Variants in SLC2A4 observed in about 807,000 individuals in gnomAD.
SLC2A4 encodes solute carrier family 2 member 4, also known as solute carrier family 2, facilitated glucose transporter member 4.
SLC2A4 carries 31 observed loss-of-function variants against 53.3 expected under a neutral mutation model. That is an observed-to-expected ratio of 0.58 (90% CI 0.44 to 0.78). The LOEUF is 0.78. SLC2A4 is among the 30% of genes least tolerant of loss of function. The probability of loss-of-function intolerance (pLI) is 0.00; values close to 1 mark genes in which losing one functional copy is unlikely to be tolerated. For synonymous variants in SLC2A4, 276 were observed against 281.9 expected, an observed-to-expected ratio of 0.98 and a Z score of 0.21; for missense variants, 538 against 655.7, an observed-to-expected ratio of 0.82 and a Z score of 1.96.
rs1268602943 is a variant in SLC2A4 at position 7,282,745 on chromosome 17, G to A, written c.34-500G>A. On this transcript the variant is annotated intron_variant, in intron 1 of 10. Coordinates refer to ENST00000317370, the MANE Select transcript of SLC2A4 (RefSeq NM_001042.3). This position sits in a 1 kb window ranked among gnomAD's most constrained non-coding sequence, Gnocchi z 4.1. ...GAGCTGGCTGACAGAACCCCCAGAG[G>A]GGAGGGAAGAGGACAGTGGCTGATG... is the stretch of plus-strand genomic sequence containing the variant. Among the ~76,000 whole-genome samples, 2 of 152,262 alleles carry A rather than the reference G, an allele frequency of 1.3e-5. No homozygotes were observed. Among genetic ancestry groups the A allele is most frequent in the African/African-American group, 4.8e-5 (2 of 41,474 alleles).
At position 7,285,873 on chromosome 17, in the gene SLC2A4, A is replaced by G; in HGVS notation, c.1291A>G (p.Asn431Asp). 6.2e-7 allele frequency: 1 copy of G among 1,614,144 alleles called. No homozygotes were observed. Among genetic ancestry groups the G allele is most frequent in the Non-Finnish European group, 8.5e-7 (1 of 1,179,984 alleles). Residue 431 changes from asparagine to aspartate, a missense_variant, in exon 10 of 11, where the codon AAC (asparagine) becomes GAC (aspartate). Coordinates refer to ENST00000317370, the MANE Select transcript of SLC2A4 (RefSeq NM_001042.3). The surrounding 1 kb of genome is among the most constrained non-coding windows in gnomAD (Gnocchi z 6.0). ...AVAGFSNWTS[N>D]FIIGMGFQYV... ...GGCTGGTTTCTCCAACTGGACGAGC[A>G]ACTTCATCATTGGCATGGGTTTCCA... is the stretch of plus-strand genomic sequence containing the variant.
rs566851503 is a variant in SLC2A4, at chr17:7,286,821, G to A, written c.*192G>A. On this transcript the variant is annotated 3_prime_UTR_variant, in exon 11 of 11. Coordinates refer to ENST00000317370, the MANE Select transcript of SLC2A4 (RefSeq NM_001042.3). ...CTCATTCCCCTCGTGTGACTCTCTT[G>A]GATTATTTATGTGTTGTGGTTTGGC... 7.8e-5 allele frequency: 48 copies of A among 612,594 alleles called. No homozygotes were observed. In the South Asian group the frequency reaches 8.5e-4, roughly 11 times the overall value. 37.9% of individuals were successfully genotyped at this position (612,594 alleles called of 1,614,324 possible). A position where few individuals can be genotyped will look rare whatever the true frequency, so the allele number is the denominator to read the frequency against.
In SLC2A4 at chr17:7,283,534, C is replaced by G. The variant is rs887663108; in HGVS notation, c.212C>G (p.Ser71Cys). The change falls in exon 3 of 11, where the codon TCC (serine) becomes TGC (cysteine). Residue 71 changes from serine to cysteine, a missense_variant. Transcript: ENST00000317370. The surrounding 1 kb of genome is among the most constrained non-coding windows in gnomAD (Gnocchi z 5.8). ...LGRQGPEGPS[S>C]IPPGTLTTLW... Reference sequence around the variant, plus strand: ...AGGCAGGGGCCTGAGGGACCCAGCTCCATCCCTCCAGGCACCCTCACCACC... The same window carrying G: ...AGGCAGGGGCCTGAGGGACCCAGCTGCATCCCTCCAGGCACCCTCACCACC... 6.2e-7 allele frequency: 1 copy of G among 1,613,982 alleles called. No homozygotes were observed. The highest frequency in any genetic ancestry group is 1.1e-5 in the South Asian group (1 of 91,070).
In SLC2A4 at chr17:7,283,343, C is replaced by A; in HGVS notation, c.132C>A (p.Val44=). The change falls in exon 2 of 11, where the codon GTC becomes GTA. Residue 44 remains valine (V), a synonymous_variant. Coordinates refer to ENST00000317370, the MANE Select transcript of SLC2A4 (RefSeq NM_001042.3). The surrounding 1 kb of genome is among the most constrained non-coding windows in gnomAD (Gnocchi z 5.8). The part of the protein sequence containing the change: ...GSLQFGYNIG[V]INAPQKVIEQ... ...TGCAGTTTGGGTACAACATTGGGGT[C>A]ATCAATGCCCCTCAGAAGGTGAGGG... 1 of 1,613,424 alleles carries A rather than the reference C, an allele frequency of 6.2e-7. No individual in the cohort carries two copies. Among genetic ancestry groups the A allele is most frequent in the South Asian group, 1.1e-5 (1 of 91,050 alleles).
Position 7,287,000 on chromosome 17 carries a change from A to C in SLC2A4, c.*371A>C. 3.1e-6 allele frequency: 1 copy of C among 327,032 alleles called. No homozygotes were observed. Among genetic ancestry groups the C allele is most frequent in the Non-Finnish European group, 6.0e-6 (1 of 167,574 alleles). The allele number at this position is 327,032 out of a possible 1,614,324, so 20.3% of individuals were successfully genotyped here. ...AGGTCTAGACTTTCTCAGTGGGACA[A>C]ACCAGAGCAGAGAGCAGGACAGGAG... On this transcript the variant is annotated 3_prime_UTR_variant, in exon 11 of 11. Transcript: ENST00000317370.
In SLC2A4 at chr17:7,284,077, T is replaced by C. The variant is rs2072427278; in HGVS notation, c.552T>C (p.Ile184=). The C allele has an allele frequency of 6.2e-7, 1 of 1,613,724 alleles. No homozygotes were observed. Among genetic ancestry groups the C allele is most frequent in the African/African-American group, 1.3e-5 (1 of 74,930 alleles). ...ACCAACTGGCCATTGTTATCGGCAT[T>C]CTGATCGCCCAGGTGACCGGAGCAA... The part of the protein sequence containing the change: ...TLNQLAIVIG[I]LIAQVLGLES... The change falls in exon 5 of 11, where the codon ATT becomes ATC. Residue 184 remains isoleucine (I), a synonymous_variant. Transcript: ENST00000317370. The surrounding 1 kb of genome is among the most constrained non-coding windows in gnomAD (Gnocchi z 7.5).
chr17:7,284,923 T>C lies in SLC2A4; in HGVS notation c.1004T>C (p.Val335Ala). The C allele has an allele frequency of 6.2e-7, 1 of 1,614,160 alleles. No individual in the cohort carries two copies. The highest frequency in any genetic ancestry group is 8.5e-7 in the Non-Finnish European group (1 of 1,180,020). ...ATIGAGVVNT[V>A]FTLVSVLLVE... Reference sequence around the variant, plus strand: ...ATAGGAGCTGGTGTGGTCAACACAGTCTTCACCTTGGTCTCGGTAACTGCT... The same window carrying C: ...ATAGGAGCTGGTGTGGTCAACACAGCCTTCACCTTGGTCTCGGTAACTGCT... Residue 335 changes from valine to alanine, a missense_variant, in exon 8 of 11, where the codon GTC becomes GCC. Physicochemically the swap from Val to Ala is moderately conservative, Grantham distance 64. Coordinates refer to ENST00000317370, the MANE Select transcript of SLC2A4 (RefSeq NM_001042.3). The surrounding 1 kb of genome is among the most constrained non-coding windows in gnomAD (Gnocchi z 7.5).
rs930442746 is a variant in SLC2A4 at position 7,285,635 on chromosome 17, C to G, written c.1123-70C>G. ...GCGGAGGGGGTTAGGTTTCACTTCT[C>G]TGAGTTGAGGGCAAGGGAAGATCAG... On this transcript the variant is annotated intron_variant, in intron 9 of 10. Coordinates refer to ENST00000317370, the MANE Select transcript of SLC2A4 (RefSeq NM_001042.3). This position sits in a 1 kb window ranked among gnomAD's most constrained non-coding sequence, Gnocchi z 6.0. The G allele has an allele frequency of 1.9e-5, 28 of 1,502,696 alleles. No individual in the cohort carries two copies. Among genetic ancestry groups the G allele is most frequent in the Non-Finnish European group, 2.6e-5 (28 of 1,081,192 alleles). The allele number at this position is 1,502,696 out of a possible 1,614,324, so 93.1% of individuals were successfully genotyped here. A position where few individuals can be genotyped will look rare whatever the true frequency, so the allele number is the denominator to read the frequency against.
Position 7,283,156 on chromosome 17 carries a change from T to C in SLC2A4, c.34-89T>C. On this transcript the variant is annotated intron_variant, in intron 1 of 10. Transcript: ENST00000317370. This position sits in a 1 kb window ranked among gnomAD's most constrained non-coding sequence, Gnocchi z 5.8. ...ACATGTTGGGTGGAGCCCAGTATCT[T>C]CAGGCTCCAGCTGGGCCCGGGCCCC... 1 of 1,021,300 alleles carries C rather than the reference T, an allele frequency of 9.8e-7. No homozygotes were observed. The highest frequency in any genetic ancestry group is 1.6e-6 in the Non-Finnish European group (1 of 640,334). 63.3% of individuals were successfully genotyped at this position (1,021,300 alleles called of 1,614,324 possible).
In SLC2A4 at chr17:7,285,259, A is replaced by G; in HGVS notation, c.1122+70A>G. On this transcript the variant is annotated intron_variant, in intron 9 of 10. Transcript: ENST00000317370. The surrounding 1 kb of genome is among the most constrained non-coding windows in gnomAD (Gnocchi z 6.0). ...AATGGTCCTGTGAGTCTCTGTGACC[A>G]GCCAGGGTCCCTTCTTAACACACAT... is the stretch of plus-strand genomic sequence containing the variant. 7.7e-7 allele frequency: 1 copy of G among 1,290,808 alleles called. No homozygotes were observed. The highest frequency in any genetic ancestry group is 2.5e-5 in the East Asian group (1 of 40,784). The allele number at this position is 1,290,808 out of a possible 1,614,324, so 80.0% of individuals were successfully genotyped here.
In SLC2A4 at chr17:7,285,828, C is replaced by T. The variant is rs2072444896; in HGVS notation, c.1246C>T (p.Arg416Cys). 6.2e-6 allele frequency: 10 copies of T among 1,614,230 alleles called. No individual in the cohort carries two copies. Among genetic ancestry groups the T allele is most frequent in the South Asian group, 1.1e-5 (1 of 91,090 alleles). Residue 416 changes from arginine to cysteine, a missense_variant, in exon 10 of 11, where the codon CGC becomes TGC. By Grantham distance (180) the Arg-to-Cys change is radical. Coordinates refer to ENST00000317370, the MANE Select transcript of SLC2A4 (RefSeq NM_001042.3). The surrounding 1 kb of genome is among the most constrained non-coding windows in gnomAD (Gnocchi z 6.0). ...IVAELFSQGP[R>C]PAAMAVAGFS... ...GGCCGAGCTCTTCAGCCAGGGACCC[C>T]GCCCGGCAGCCATGGCTGTGGCTGG...
Position 7,284,954 on chromosome 17 carries a change from C to A in SLC2A4, c.1020+15C>A. On this transcript the variant is annotated intron_variant, in intron 8 of 10. Transcript: ENST00000317370. The surrounding 1 kb of genome is among the most constrained non-coding windows in gnomAD (Gnocchi z 7.5). The stretch of plus-strand genomic sequence containing the variant: ...CCTTGGTCTCGGTAACTGCTCACCT[C>A]TGGAATGGCCCGAGCCACTGGCTTC... 6.2e-7 allele frequency: 1 copy of A among 1,614,206 alleles called. No individual in the cohort carries two copies. The highest frequency in any genetic ancestry group is 8.5e-7 in the Non-Finnish European group (1 of 1,180,018).
chr17:7,283,356 C>G lies in SLC2A4; in HGVS notation c.145C>G (p.Gln49Glu), dbSNP rs1016481590. 6.2e-7 allele frequency: 1 copy of G among 1,612,822 alleles called. No individual in the cohort carries two copies. The highest frequency in any genetic ancestry group is 8.5e-7 in the Non-Finnish European group (1 of 1,179,266). The change falls in exon 2 of 11, where the codon CAG (glutamine) becomes GAG (glutamate). Residue 49 changes from glutamine to glutamate, a missense_variant. Transcript: ENST00000317370. This position sits in a 1 kb window ranked among gnomAD's most constrained non-coding sequence, Gnocchi z 5.8. ...GYNIGVINAP[Q>E]KVIEQSYNET... ...CAACATTGGGGTCATCAATGCCCCT[C>G]AGAAGGTGAGGGCCTGCAGCTGGCA...
At position 7,285,580 on chromosome 17, in the gene SLC2A4, C is replaced by G; in HGVS notation, c.1123-125C>G. The G allele has an allele frequency of 7.6e-6, 7 of 917,556 alleles. No individual in the cohort carries two copies. The highest frequency in any genetic ancestry group is 1.2e-5 in the Non-Finnish European group (7 of 569,978). The allele number at this position is 917,556 out of a possible 1,614,324, so 56.8% of individuals were successfully genotyped here. A position where few individuals can be genotyped will look rare whatever the true frequency, so the allele number is the denominator to read the frequency against. ...AATGCCAGTCAAGGGCCTGCTCTAA[C>G]CCGGGACAGCAGGCCCCCTACAAGC... On this transcript the variant is annotated intron_variant, in intron 9 of 10. Coordinates refer to ENST00000317370, the MANE Select transcript of SLC2A4 (RefSeq NM_001042.3). The surrounding 1 kb of genome is among the most constrained non-coding windows in gnomAD (Gnocchi z 6.0).
chr17:7,286,551 C>T lies in SLC2A4; in HGVS notation c.1452C>T (p.His484=). The part of the protein sequence containing the change: ...RTFDQISAAF[H]RTPSLLEQEV... Reference sequence around the variant, plus strand: ...TTGACCAGATCTCAGCTGCCTTCCACCGGACACCCTCTCTTTTAGAGCAGG... The same window carrying T: ...TTGACCAGATCTCAGCTGCCTTCCATCGGACACCCTCTCTTTTAGAGCAGG... The change falls in exon 11 of 11, where the codon CAC becomes CAT. Residue 484 remains histidine, a synonymous_variant. Transcript: ENST00000317370. 6.2e-7 allele frequency: 1 copy of T among 1,614,190 alleles called. No homozygotes were observed.
rs2072424800 is a variant in SLC2A4, at chr17:7,283,879, C to A, written c.448+17C>A. 1 of 1,614,202 alleles carries A rather than the reference C, an allele frequency of 6.2e-7. No homozygotes were observed. Among genetic ancestry groups the A allele is most frequent in the Non-Finnish European group, 8.5e-7 (1 of 1,180,032 alleles). ...CCTACTCAGGTACTCACGGGCACCA[C>A]AGCCCTGCCTAGCGCCCTGTTCTCT... On this transcript the variant is annotated intron_variant, in intron 4 of 10. Coordinates refer to ENST00000317370, the MANE Select transcript of SLC2A4 (RefSeq NM_001042.3). This position sits in a 1 kb window ranked among gnomAD's most constrained non-coding sequence, Gnocchi z 5.8.
In SLC2A4 at chr17:7,286,720, A is replaced by C; in HGVS notation, c.*91A>C. ...GCAGCACTTTAACCCTCTCTTCCCT[A>C]TTATTTCCGGGTGGAAAAGAATCCC... On this transcript the variant is annotated 3_prime_UTR_variant, in exon 11 of 11. Coordinates refer to ENST00000317370, the MANE Select transcript of SLC2A4 (RefSeq NM_001042.3). 8.4e-7 allele frequency: 1 copy of C among 1,193,874 alleles called. No individual in the cohort carries two copies. Among genetic ancestry groups the C allele is most frequent in the Non-Finnish European group, 1.2e-6 (1 of 807,336 alleles). The allele number at this position is 1,193,874 out of a possible 1,614,324, so 74.0% of individuals were successfully genotyped here.
chr17:7,285,222 C>T lies in SLC2A4; in HGVS notation c.1122+33C>T, dbSNP rs2072439487. The T allele has an allele frequency of 6.5e-7, 1 of 1,528,986 alleles. No homozygotes were observed. Among genetic ancestry groups the T allele is most frequent in the Non-Finnish European group, 8.9e-7 (1 of 1,123,626 alleles). The allele number at this position is 1,528,986 out of a possible 1,614,324, so 94.7% of individuals were successfully genotyped here. Reference sequence around the variant, plus strand: ...CTGGAGGCTAGGAGGGGCTAGCAGCCCACCCCATGGGAATGGTCCTGTGAG... The same window carrying T: ...CTGGAGGCTAGGAGGGGCTAGCAGCTCACCCCATGGGAATGGTCCTGTGAG... On this transcript the variant is annotated intron_variant, in intron 9 of 10. Transcript: ENST00000317370. This position sits in a 1 kb window ranked among gnomAD's most constrained non-coding sequence, Gnocchi z 6.0.
Position 7,283,328 on chromosome 17 carries a change from G to T in SLC2A4, c.117G>T (p.Gly39=), listed in dbSNP as rs1448302639. 3 of 1,613,968 alleles carry T rather than the reference G, an allele frequency of 1.9e-6. No individual in the cohort carries two copies. The South Asian group carries it at 3.3e-5, about 18-fold the overall frequency. The change falls in exon 2 of 11, where the codon GGG becomes GGT. Residue 39 remains glycine, a synonymous_variant. Coordinates refer to ENST00000317370, the MANE Select transcript of SLC2A4 (RefSeq NM_001042.3). The surrounding 1 kb of genome is among the most constrained non-coding windows in gnomAD (Gnocchi z 5.8). ...FSAVLGSLQF[G]YNIGVINAPQ... ...CGGTGCTTGGCTCCCTGCAGTTTGG[G>T]TACAACATTGGGGTCATCAATGCCC...
Sources: allele counts gnomAD v4.1 joint callset (sites outside exome capture counted in the v4.1 genomes callset), GRCh38; gene constraint gnomAD v4.1.1; non-coding constraint Gnocchi (gnomAD v3.1); transcripts MANE v1.5; gene names NCBI Gene and HGNC (gene_info 2026-07-23, HGNC 2026-07-21).